NELL1: variants seen among roughly 807,000 people sequenced by gnomAD.
NELL1 encodes the protein neural EGFL like 1, also known as protein kinase C-binding protein NELL1.
A neutral mutation model predicts 107.4 loss-of-function variants in NELL1; 76 were observed. That is an observed-to-expected ratio of 0.71 (90% CI 0.59 to 0.86). NELL1 has a LOEUF of 0.86. Ranked by LOEUF, NELL1 falls within the 40% of genes least tolerant of loss-of-function variation. The pLI is 0.00. For synonymous variants in NELL1, 353 were observed against 341.2 expected, an observed-to-expected ratio of 1.03 and a Z score of -0.38; for missense variants, 1,024 against 1,005.5, an observed-to-expected ratio of 1.02 and a Z score of -0.25.
intron 5 of NELL1, among the ~76,000 whole-genome samples, chr11:20,915,717 A>ATTTTTTTTT (rs67447563): frequency 8.6e-5 from 5 of 58,224 alleles, no homozygotes; most frequent in African/African-American, 3.5e-4. Flanking sequence ...ATATATATAT[A>ATTTTTTTTT]TTTTTTTTTT....
At chr11:21,294,067 A>T (rs1291155092) in intron 14 of NELL1, among the ~76,000 whole-genome samples, 1 of 152,176 alleles carries the variant, frequency 6.6e-6, no homozygotes, top group Non-Finnish European at 1.5e-5. Flanking sequence ...CCTAGCACTT[A>T]AAGTATAATT....
At chr11:21,263,897 TA>T (rs1298670756) in intron 14 of NELL1, among the ~76,000 whole-genome samples, 4 of 151,966 alleles carry the variant, frequency 2.6e-5, no homozygotes, top group Non-Finnish European at 4.4e-5. Context: ...ATATAATCCT[TA>T]AAAAATGGAA....
intron 12 of NELL1, among the ~76,000 whole-genome samples, chr11:21,039,140 A>G (rs1853165514): frequency 6.6e-6 from 1 of 152,112 alleles, no homozygotes; most frequent in South Asian, 2.1e-4. Context: ...TTTAAGGGAA[A>G]GGGGAAGAGT....
chr11:20,765,308 GGGATTACCAA>G (rs998413758), intron 2 of NELL1, among the ~76,000 whole-genome samples: 1 of 152,164 alleles, frequency 6.6e-6, no homozygotes, highest in East Asian at 1.9e-4. Context: ...AGGTTCAGAA[GGGATTACCAA>G]GGATTACCAA....
At chr11:21,240,553 C>T (rs1590763386) in intron 14 of NELL1, among the ~76,000 whole-genome samples, 1 of 152,020 alleles carries the variant, frequency 6.6e-6, no homozygotes, top group African/African-American at 2.4e-5. Flanking sequence ...CATTTATGCT[C>T]ATCAGTTTGA....
At chr11:21,460,565 G>C (rs1853875066) in intron 15 of NELL1, among the ~76,000 whole-genome samples, 1 of 152,092 alleles carries the variant, frequency 6.6e-6, no homozygotes, top group Admixed American at 6.6e-5. Context: ...AAGCAGCTTG[G>C]TGTGGGGGAA....
At chr11:20,755,558 T>TATTTTTTTTTTTATTTTA (rs1564895070) in intron 2 of NELL1, among the ~76,000 whole-genome samples, 6 of 16,456 alleles carry the variant, frequency 3.6e-4, no homozygotes, top group Admixed American at 9.1e-4. Flanking sequence ...TTGTTTTTGT[T>TATTTTTTTTTTTATTTTA]TTTGTTTTTT....
chr11:21,574,319 C>T (rs1857172314), intron 19 of NELL1, among the ~76,000 whole-genome samples: 1 of 151,542 alleles, frequency 6.6e-6, no homozygotes, highest in South Asian at 2.1e-4. Context: ...TACTATCAGA[C>T]CTCATATAGA....
intron 3 of NELL1, among the ~76,000 whole-genome samples, chr11:20,834,016 G>C (rs1372822971): frequency 6.6e-6 from 1 of 152,188 alleles, no homozygotes; most frequent in African/African-American, 2.4e-5. Flanking sequence ...GCTTGGAAGT[G>C]GGGGTGCTTG....
At chr11:20,961,572 T>C (rs1034273765) in intron 12 of NELL1, among the ~76,000 whole-genome samples, 4 of 152,220 alleles carry the variant, frequency 2.6e-5, no homozygotes, top group African/African-American at 7.2e-5. Flanking sequence ...AAAGACAGTA[T>C]TAACTGATGA....
intron 13 of NELL1, among the ~76,000 whole-genome samples, chr11:21,224,560 C>T (rs1293664736): frequency 6.6e-6 from 1 of 152,070 alleles, no homozygotes; most frequent in Non-Finnish European, 1.5e-5. Flanking sequence ...ATGCCATTTC[C>T]CATCTTTTCT....
At chr11:21,290,012 T>C (rs1015834821) in intron 14 of NELL1, among the ~76,000 whole-genome samples, 4 of 152,082 alleles carry the variant, frequency 2.6e-5, no homozygotes, top group African/African-American at 9.7e-5. Context: ...ATAGATAAAA[T>C]TCCCATCTCC....
intron 2 of NELL1, among the ~76,000 whole-genome samples, chr11:20,755,547 T>TATTTTA (rs1856248583): frequency 2.1e-4 from 8 of 38,028 alleles, no homozygotes; most frequent in Non-Finnish European, 3.3e-4. Context: ...TTTGTTTTTT[T>TATTTTA]TTGTTTTTGT....
chr11:20,756,446 C>T (rs1328757644), intron 2 of NELL1, among the ~76,000 whole-genome samples: 1 of 150,328 alleles, frequency 6.7e-6, no homozygotes, highest in Admixed American at 6.6e-5. Flanking sequence ...TCACGCCATT[C>T]TCCTGCCTCA....
At chr11:21,541,027 T>G (rs533210658) in intron 16 of NELL1, among the ~76,000 whole-genome samples, 1 of 152,264 alleles carries the variant, frequency 6.6e-6, no homozygotes, top group Non-Finnish European at 1.5e-5. Flanking sequence ...CAGATTAGAC[T>G]TGTGTTCTTA....
At chr11:21,079,187 A>G (rs897991880) in intron 12 of NELL1, among the ~76,000 whole-genome samples, 2 of 152,026 alleles carry the variant, frequency 1.3e-5, no homozygotes, top group African/African-American at 4.8e-5. Context: ...AATATTGATG[A>G]AAGGTAAACT....
chr11:20,692,547 AGT>A (rs1444817354), intron 2 of NELL1, among the ~76,000 whole-genome samples: 5 of 150,246 alleles, frequency 3.3e-5, no homozygotes, highest in Non-Finnish European at 5.9e-5. Context: ...TTATGTACCC[AGT>A]AGTCATTCAG....
intron 12 of NELL1, among the ~76,000 whole-genome samples, chr11:21,036,365 C>T (rs1853092960): frequency 6.6e-6 from 1 of 152,142 alleles, no homozygotes; most frequent in African/African-American, 2.4e-5. Flanking sequence ...ACATCCTTCA[C>T]AGAGCTAGAG....
chr11:21,527,170 G>C (rs957878562), intron 15 of NELL1, among the ~76,000 whole-genome samples: 9 of 152,102 alleles, frequency 5.9e-5, no homozygotes, highest in African/African-American at 2.4e-5. Flanking sequence ...CAAAAATGCT[G>C]CCAGTCTCTT....
Sources: gnomAD v4.1 joint callset for allele counts (sites outside exome capture counted in the v4.1 genomes callset) on GRCh38, gnomAD v4.1.1 for gene constraint, MANE v1.5 for transcripts, NCBI Gene and HGNC (gene_info 2026-07-23, HGNC 2026-07-21) for gene names.